MTCL1: variants seen among roughly 807,000 people sequenced by gnomAD.
MTCL1 encodes microtubule cross-linking factor 1.
Under a neutral mutation model 141.4 loss-of-function variants are expected in MTCL1, and 79 were observed. The observed-to-expected ratio is 0.56, with a 90% CI of 0.47 to 0.67. The LOEUF (loss-of-function observed/expected upper bound fraction) is 0.67. Ranked by LOEUF, MTCL1 falls within the 30% of genes least tolerant of loss-of-function variation. The pLI, the probability that MTCL1 is intolerant of heterozygous loss-of-function variation, is 0.00. For synonymous variants in MTCL1, 914 were observed against 875.8 expected, an observed-to-expected ratio of 1.04 and a Z score of -0.77; for missense variants, 2,177 against 2,113.9, an observed-to-expected ratio of 1.03 and a Z score of -0.59.
At chr18:8,722,541 ATTC>A (rs1480648458) in intron 4 of MTCL1, among the ~76,000 whole-genome samples, 4 of 152,256 alleles carry the variant, frequency 2.6e-5, no homozygotes, top group Non-Finnish European at 4.4e-5. Flanking sequence ...TATGTACTGT[ATTC>A]TTATAATAAA....
rs138797317 is a variant in MTCL1 at position 8,807,621 on chromosome 18, G to A, written c.2604+561G>A. ...TAGTGCTAGGGCAGGAAGAGAGCCC[G>A]GGTTTCCTGCCTCCACCTCACACCA... On this transcript the variant is annotated intron_variant, in intron 11 of 16. Coordinates refer to ENST00000359865, the Ensembl canonical transcript of MTCL1. Among the ~76,000 whole-genome samples the A allele has an allele frequency of 1.9e-3, 282 of 152,290 alleles. 1 individual carries two copies. Among genetic ancestry groups the A allele is most frequent in the African/African-American group, 6.6e-3 (276 of 41,566 alleles).
At chr18:8,780,562 T>G (rs1276375112) in intron 5 of MTCL1, among the ~76,000 whole-genome samples, 1 of 152,224 alleles carries the variant, frequency 6.6e-6, no homozygotes, top group Non-Finnish European at 1.5e-5. Context: ...AGATGATTTT[T>G]GACAATGGAC....
At chr18:8,817,928 G>T (rs1476849477) in intron 12 of MTCL1, among the ~76,000 whole-genome samples, 1 of 152,244 alleles carries the variant, frequency 6.6e-6, no homozygotes, top group Non-Finnish European at 1.5e-5. Context: ...GGGATCAGAA[G>T]AATGGAGTGG....
At chr18:8,717,178 A>G (rs2096134107), upstream of MTCL1, among the ~76,000 whole-genome samples, 1 of 152,214 alleles carries the variant, frequency 6.6e-6, no homozygotes, top group Non-Finnish European at 1.5e-5. Flanking sequence ...TCCCCTCTGA[A>G]GCTTACCTTG....
chr18:8,809,420 TCA>T (rs10583994), intron 11 of MTCL1: 409,134 of 1,517,744 alleles, frequency 0.27, 57,998 homozygotes, highest in African/African-American at 0.39. Flanking sequence ...TAAAAAGTAA[TCA>T]CACACATCTC....
intron 1 of MTCL1, among the ~76,000 whole-genome samples, chr18:8,710,438 C>T (rs1227123781): frequency 6.8e-6 from 1 of 147,806 alleles, no homozygotes; most frequent in Non-Finnish European, 1.5e-5. Context: ...CTGGGCTTCT[C>T]ATAAAACCCA....
Position 8,828,979 on chromosome 18 carries a change from C to T in MTCL1, c.*18+15C>T. The T allele has an allele frequency of 6.2e-7, 1 of 1,614,184 alleles. No homozygotes were observed. The highest frequency in any genetic ancestry group is 8.5e-7 in the Non-Finnish European group (1 of 1,180,026). On this transcript the variant is annotated intron_variant, in intron 16 of 16. Transcript: ENST00000359865. This position sits in a 1 kb window ranked among gnomAD's most constrained non-coding sequence, Gnocchi z 5.2. ...CGCCTCACGCTGTAAGTGCTTCCTT[C>T]CTTGTTTCCCAACTGTCTGGAGAGG...
At chr18:8,794,502 G>C (rs1362759499) in intron 8 of MTCL1, among the ~76,000 whole-genome samples, 6 of 152,364 alleles carry the variant, frequency 3.9e-5, no homozygotes, top group Admixed American at 1.3e-4. Flanking sequence ...CGGTGCTGCT[G>C]ATGCTGCCTC....
At chr18:8,786,720 C>G (rs1568037179) in intron 7 of MTCL1, 1 of 233,098 alleles carries the variant, frequency 4.3e-6, no homozygotes, top group East Asian at 9.3e-5. Context: ...CGACCCGGGA[C>G]AGAAAGAGGG....
exon 6 of MTCL1, chr18:8,783,997 C>A (rs149524338): frequency 1.2e-6 from 2 of 1,613,702 alleles, no homozygotes; most frequent in Non-Finnish European, 8.5e-7. Context: ...TCTCCGAGAT[C>A]GAAGACCACA....
At chr18:8,747,994 GCT>G (rs2096349620) in intron 4 of MTCL1, among the ~76,000 whole-genome samples, 2 of 152,198 alleles carry the variant, frequency 1.3e-5, no homozygotes, top group South Asian at 4.2e-4. Context: ...ACACACCTAA[GCT>G]CTGTGTCCTA....
At chr18:8,785,049 T>C (rs1304697646) in intron 6 of MTCL1, among the ~76,000 whole-genome samples, 1 of 151,904 alleles carries the variant, frequency 6.6e-6, no homozygotes, top group East Asian at 1.9e-4. Flanking sequence ...TTCTCTTGTA[T>C]TGCCTTGTTT....
At chr18:8,717,387 G>C (rs1458087803) in exon 1 of MTCL1, 1 of 152,354 alleles carries the variant, frequency 6.6e-6, no homozygotes, top group Non-Finnish European at 1.5e-5. Flanking sequence ...TTTCAGAAGT[G>C]GGAATAGCAG....
At chr18:8,774,461 T>C (rs1349668162) in intron 4 of MTCL1, among the ~76,000 whole-genome samples, 1 of 151,896 alleles carries the variant, frequency 6.6e-6, no homozygotes, top group Non-Finnish European at 1.5e-5. Flanking sequence ...TTCTTTTCTT[T>C]CTTTTCTTTC....
At chr18:8,753,522 A>G (rs575825328) in intron 4 of MTCL1, among the ~76,000 whole-genome samples, 5 of 152,282 alleles carry the variant, frequency 3.3e-5, no homozygotes, top group East Asian at 3.9e-4. Flanking sequence ...GCATGACCCA[A>G]TGGGCCCAGA....
intron 1 of MTCL1, among the ~76,000 whole-genome samples, chr18:8,711,936 C>T (rs1301580594): frequency 6.6e-6 from 1 of 152,136 alleles, no homozygotes; most frequent in South Asian, 2.1e-4. Flanking sequence ...CTCGAGTGCT[C>T]GGAGACAGTC....
chr18:8,762,283 A>G (rs140388562), intron 4 of MTCL1, among the ~76,000 whole-genome samples: 9 of 152,342 alleles, frequency 5.9e-5, no homozygotes, highest in Non-Finnish European at 1.0e-4. Flanking sequence ...GGCACCAGGC[A>G]TGTTGCTGTG....
At chr18:8,777,202 C>T (rs149381488) in intron 4 of MTCL1, among the ~76,000 whole-genome samples, 2,565 of 152,290 alleles carry the variant, frequency 0.017, 64 homozygotes, top group African/African-American at 0.053. Flanking sequence ...CACCACTGCA[C>T]GCTAGCCTGG....
chr18:8,705,604 C>CGCCGCCGCCGCT, upstream of MTCL1: 1 of 1,209,388 alleles, frequency 8.3e-7, no homozygotes, highest in Non-Finnish European at 1.0e-6. The surrounding 1 kb of genome is among the most constrained non-coding windows in gnomAD (Gnocchi z 5.2). Context: ...CCGCCGCCGC[C>CGCCGCCGCCGCT]GCCGCCGTCG....
Sources: allele counts gnomAD v4.1 joint callset (sites outside exome capture counted in the v4.1 genomes callset), GRCh38; gene constraint gnomAD v4.1.1; non-coding constraint Gnocchi (gnomAD v3.1); transcripts MANE v1.5; gene names NCBI Gene and HGNC (gene_info 2026-07-23, HGNC 2026-07-21).